Variants in TRPM3 observed in about 807,000 individuals in gnomAD.
TRPM3 encodes transient receptor potential cation channel subfamily M member 3, also known as long transient receptor potential channel 3.
A neutral mutation model predicts 181.2 loss-of-function variants in TRPM3; 77 were observed. That is an observed-to-expected ratio of 0.42 (90% CI 0.35 to 0.51). TRPM3 has a LOEUF of 0.51. Among genes scored for constraint, TRPM3 ranks in the 20% least tolerant of loss-of-function variants. TRPM3 has a pLI of 0.01. For missense variants in TRPM3, 1,759 were observed against 2,196.7 expected (o/e 0.80, Z 3.98); for synonymous variants, 745 against 796.4 (o/e 0.94, Z 1.09).
chr9:70,571,384 C>T (rs950425170), intron 22 of TRPM3, among the ~76,000 whole-genome samples: 25 of 152,058 alleles, frequency 1.6e-4, no homozygotes, highest in Admixed American at 6.5e-5. Flanking sequence ...TTTTGCACAG[C>T]GCCTGCCACT....
intron 5 of TRPM3, among the ~76,000 whole-genome samples, chr9:70,838,353 G>A (rs1415493012): frequency 1.3e-5 from 2 of 152,118 alleles, no homozygotes; most frequent in East Asian, 1.9e-4. Flanking sequence ...ATGAGGGCGG[G>A]GCCCTATGAA....
intron 1 of TRPM3, among the ~76,000 whole-genome samples, chr9:71,077,586 G>A (rs1340001128): frequency 6.6e-6 from 1 of 152,132 alleles, no homozygotes; most frequent in Non-Finnish European, 1.5e-5. Context: ...TGAAGTTTGA[G>A]GTACCAAAAA....
intron 6 of TRPM3, among the ~76,000 whole-genome samples, chr9:70,788,252 C>A (rs971217213): frequency 2.1e-5 from 3 of 144,582 alleles, no homozygotes; most frequent in African/African-American, 7.7e-5. Context: ...TTTATGGATT[C>A]TTGAAACCTA....
intron 1 of TRPM3, among the ~76,000 whole-genome samples, chr9:71,405,185 T>A (rs1017644343): frequency 6.6e-6 from 1 of 152,230 alleles, no homozygotes; most frequent in Admixed American, 6.5e-5. Context: ...TTATTCCTTG[T>A]CTGTCTTCAT....
intron 1 of TRPM3, among the ~76,000 whole-genome samples, chr9:71,192,155 T>C (rs955488115): frequency 1.3e-5 from 2 of 151,874 alleles, no homozygotes; most frequent in Non-Finnish European, 2.9e-5. Flanking sequence ...AACGGTATCA[T>C]TGTGATACTC....
chr9:70,665,085 G>A (rs902719507), intron 9 of TRPM3, among the ~76,000 whole-genome samples: 8 of 152,126 alleles, frequency 5.3e-5, no homozygotes, highest in African/African-American at 1.4e-4. Flanking sequence ...GGCTGACAGC[G>A]CCTCAGAAAC....
intron 9 of TRPM3, among the ~76,000 whole-genome samples, chr9:70,655,357 C>T (rs1377436566): frequency 3.4e-5 from 5 of 145,572 alleles, no homozygotes; most frequent in African/African-American, 1.3e-4. Context: ...ATAATATGGC[C>T]TTTGTGCATA....
At chr9:70,619,406 CTT>C (rs1170887633) in intron 16 of TRPM3, among the ~76,000 whole-genome samples, 79 of 81,434 alleles carry the variant, frequency 9.7e-4, no homozygotes, top group South Asian at 8.6e-3. Flanking sequence ...TCGTCGTCTT[CTT>C]TTTTTTTTTT....
intron 1 of TRPM3, among the ~76,000 whole-genome samples, chr9:70,979,064 T>C (rs564349581): frequency 6.6e-6 from 1 of 152,328 alleles, no homozygotes; most frequent in South Asian, 2.1e-4. Context: ...TTTCAACAAC[T>C]ACAACTACTT....
intron 25 of TRPM3, among the ~76,000 whole-genome samples, chr9:70,546,042 T>C (rs1308713246): frequency 6.6e-6 from 1 of 152,218 alleles, no homozygotes; most frequent in Non-Finnish European, 1.5e-5. Context: ...AACATGTTTG[T>C]TAAGTCGACA....
chr9:70,846,699 T>C, intron 3 of TRPM3, 108 bp from the exon 4 acceptor site: 1 of 864,042 alleles, frequency 1.2e-6, no homozygotes. Flanking sequence ...AAACGTCTCA[T>C]ATAAAATCAG....
chr9:71,265,653 T>A (rs2083340107), intron 1 of TRPM3, among the ~76,000 whole-genome samples: 2 of 152,214 alleles, frequency 1.3e-5, no homozygotes, highest in African/African-American at 4.8e-5. Flanking sequence ...TTGCTTACAC[T>A]CCTCCATGAT....
At chr9:70,982,098 C>G (rs973515498) in intron 1 of TRPM3, among the ~76,000 whole-genome samples, 1 of 152,202 alleles carries the variant, frequency 6.6e-6, no homozygotes, top group Admixed American at 6.5e-5. Flanking sequence ...TATCTACTCT[C>G]CAAAACCAAT....
intron 1 of TRPM3, among the ~76,000 whole-genome samples, chr9:71,398,045 C>T (rs947415480): frequency 2.0e-5 from 3 of 152,146 alleles, no homozygotes; most frequent in African/African-American, 7.2e-5. Context: ...GAATTGAGTC[C>T]CTAGCCTGTA....
At chr9:71,247,597 T>C (rs1003933708) in intron 1 of TRPM3, among the ~76,000 whole-genome samples, 2 of 151,336 alleles carry the variant, frequency 1.3e-5, no homozygotes, top group African/African-American at 2.4e-5. Flanking sequence ...TCCTCAGAAA[T>C]AGAAGGGAAG....
At chr9:70,793,713 T>C (rs1480191328) in intron 6 of TRPM3, 5 of 461,970 alleles carry the variant, frequency 1.1e-5, no homozygotes, top group African/African-American at 1.0e-4. Context: ...AGGAAAAGAG[T>C]CAAGACAGTC....
At chr9:70,924,192 A>G (rs1280158537) in intron 1 of TRPM3, among the ~76,000 whole-genome samples, 1 of 152,054 alleles carries the variant, frequency 6.6e-6, no homozygotes, top group Non-Finnish European at 1.5e-5. Flanking sequence ...TGCACAGAAA[A>G]GCCCCCACAT....
chr9:71,256,406 G>A (rs1437280931), intron 1 of TRPM3, among the ~76,000 whole-genome samples: 2 of 152,094 alleles, frequency 1.3e-5, no homozygotes, highest in Admixed American at 6.6e-5. Context: ...ACATAGGATT[G>A]AAGAACATTG....
At chr9:70,892,893 A>G (rs931956902) in intron 1 of TRPM3, among the ~76,000 whole-genome samples, 1 of 152,190 alleles carries the variant, frequency 6.6e-6, no homozygotes, top group Non-Finnish European at 1.5e-5. Context: ...TGTTACCTTC[A>G]CATATCTAGG....
Sources: allele counts gnomAD v4.1 joint callset (sites outside exome capture counted in the v4.1 genomes callset), GRCh38; gene constraint gnomAD v4.1.1; transcripts MANE v1.5; gene names NCBI Gene and HGNC (gene_info 2026-07-23, HGNC 2026-07-21).